Variants in C12orf42 observed in about 807,000 individuals in gnomAD.
C12orf42 encodes uncharacterized protein C12orf42.
Under a neutral mutation model 21.6 loss-of-function variants are expected in C12orf42, and 25 were observed. The ratio of observed to expected loss-of-function variants is 1.16; its 90% confidence interval spans 0.84 to 1.62. The LOEUF is 1.62. C12orf42 is among the 40% of genes most tolerant of loss of function. The pLI is 0.00. For missense variants in C12orf42, 483 were observed against 459.3 expected (o/e 1.05, Z -0.47); for synonymous variants, 174 against 175.0 (o/e 0.99, Z 0.05).
the C12orf42 span, among the ~76,000 whole-genome samples, chr12:103,141,312 T>C: frequency 6.6e-6 from 1 of 152,144 alleles, no homozygotes; most frequent in Admixed American, 6.5e-5. Flanking sequence ...ATCTGGGAGA[T>C]ACATGTCAGT....
chr12:103,322,043 G>T (rs2040189218), intron 4 of C12orf42, among the ~76,000 whole-genome samples: 1 of 151,714 alleles, frequency 6.6e-6, no homozygotes, highest in African/African-American at 2.4e-5. Context: ...TTTCTGGTTG[G>T]CAATGCATTA....
chr12:103,400,859 G>T (rs2047929416), intron 3 of C12orf42, among the ~76,000 whole-genome samples: 1 of 152,150 alleles, frequency 6.6e-6, no homozygotes, highest in South Asian at 2.1e-4. Flanking sequence ...GTATTGCTGG[G>T]CTGTGTTCCT....
At chr12:103,212,646 A>G in the C12orf42 span, among the ~76,000 whole-genome samples, 3 of 152,170 alleles carry the variant, frequency 2.0e-5, no homozygotes, top group African/African-American at 7.2e-5. Context: ...ACCAAAAGTC[A>G]TTGTCTATGT....
the C12orf42 span, among the ~76,000 whole-genome samples, chr12:103,147,220 T>C: frequency 6.6e-6 from 1 of 152,200 alleles, no homozygotes; most frequent in African/African-American, 2.4e-5. Flanking sequence ...TATTTCTCTG[T>C]GCTGTGGTTA....
intron 2 of C12orf42, among the ~76,000 whole-genome samples, chr12:103,452,125 C>A (rs1230204601): frequency 6.6e-6 from 1 of 151,874 alleles, no homozygotes; most frequent in Non-Finnish European, 1.5e-5. Context: ...AGCTGAGGAC[C>A]AGATCATCTA....
the C12orf42 span, among the ~76,000 whole-genome samples, chr12:103,159,226 T>C: frequency 6.6e-6 from 1 of 152,202 alleles, no homozygotes; most frequent in African/African-American, 2.4e-5. Flanking sequence ...TAGACAAACT[T>C]CTATCCCTGC....
upstream of C12orf42, among the ~76,000 whole-genome samples, chr12:103,496,352 TGCAGCCAACA>T (rs1262849652): frequency 6.6e-6 from 1 of 152,158 alleles, no homozygotes; most frequent in Non-Finnish European, 1.5e-5. Flanking sequence ...CCAGGAATAA[TGCAGCCAACA>T]GCAGGGGGCA....
At chr12:103,232,463 C>T in the C12orf42 span, among the ~76,000 whole-genome samples, 1 of 152,036 alleles carries the variant, frequency 6.6e-6, no homozygotes, top group Non-Finnish European at 1.5e-5. Flanking sequence ...AATCCCAGCA[C>T]TTTGGGAGGC....
the C12orf42 span, among the ~76,000 whole-genome samples, chr12:103,230,099 A>C: frequency 1.3e-5 from 2 of 152,270 alleles, no homozygotes; most frequent in African/African-American, 2.4e-5. Context: ...ATTGAATTTA[A>C]ATTATTAAAC....
At position 103,495,938 on chromosome 12, in the gene C12orf42, G is replaced by A. The variant is rs73389785; in HGVS notation, c.-58C>T. The A allele has an allele frequency of 0.11, 16,818 of 152,396 alleles. 1,060 individuals are homozygous for A. Among genetic ancestry groups the A allele is most frequent in the East Asian group, 0.22 (1,119 of 5,154 alleles). 9.4% of individuals were successfully genotyped at this position (152,396 alleles called of 1,614,324 possible). A position where few individuals can be genotyped will look rare whatever the true frequency, so the allele number is the denominator to read the frequency against. On this transcript the variant is annotated 5_prime_UTR_variant, in exon 1 of 6. Coordinates refer to ENST00000548883, the MANE Select transcript of C12orf42 (RefSeq NM_198521.5). ...GGGTCCCTATCCCGGGGCGCCGCCCGCAGCCTCCTCCGCGGGAGCTGGAGC... is the reference window on the plus strand; with the variant it reads ...GGGTCCCTATCCCGGGGCGCCGCCCACAGCCTCCTCCGCGGGAGCTGGAGC...
chr12:103,263,627 G>A (rs1299157005), downstream of C12orf42, among the ~76,000 whole-genome samples: 2 of 152,052 alleles, frequency 1.3e-5, no homozygotes, highest in Non-Finnish European at 2.9e-5. Context: ...CCTTCCACAC[G>A]TGCTCAGCCT....
the C12orf42 span, chr12:103,164,852 T>C: frequency 2.6e-6 from 1 of 383,388 alleles, no homozygotes; most frequent in Non-Finnish European, 5.3e-6. Flanking sequence ...TGTATCAGTA[T>C]ACTCACAAAT....
At chr12:103,506,911 A>T in the C12orf42 span, among the ~76,000 whole-genome samples, 2 of 48,572 alleles carry the variant, frequency 4.1e-5, no homozygotes, top group Non-Finnish European at 6.5e-5. Flanking sequence ...TATATTATAT[A>T]TATATTTATA....
At chr12:103,089,543 CAA>C in the C12orf42 span, among the ~76,000 whole-genome samples, 4 of 105,716 alleles carry the variant, frequency 3.8e-5, no homozygotes, top group Non-Finnish European at 7.7e-5. Context: ...TTAGACCTAA[CAA>C]TATATTTTTC....
the C12orf42 span, among the ~76,000 whole-genome samples, chr12:103,150,079 C>T: frequency 6.6e-6 from 1 of 152,104 alleles, no homozygotes; most frequent in Non-Finnish European, 1.5e-5. Flanking sequence ...GTATATTTTG[C>T]AGGATGAATT....
At chr12:103,075,984 G>A in the C12orf42 span, among the ~76,000 whole-genome samples, 1 of 152,098 alleles carries the variant, frequency 6.6e-6, no homozygotes, top group Non-Finnish European at 1.5e-5. Flanking sequence ...GTTTGGTTTT[G>A]GATATGTGGA....
chr12:103,072,962 C>T, the C12orf42 span, among the ~76,000 whole-genome samples: 2 of 152,036 alleles, frequency 1.3e-5, no homozygotes, highest in Non-Finnish European at 2.9e-5. Flanking sequence ...ATAATAAACA[C>T]GTGGTACATA....
chr12:103,231,161 C>A, the C12orf42 span, among the ~76,000 whole-genome samples: 4 of 152,160 alleles, frequency 2.6e-5, no homozygotes, highest in African/African-American at 9.7e-5. Context: ...CATTTTATAG[C>A]AATTTTAGTT....
the C12orf42 span, among the ~76,000 whole-genome samples, chr12:103,071,828 A>G: frequency 6.6e-6 from 1 of 152,172 alleles, no homozygotes; most frequent in South Asian, 2.1e-4. Flanking sequence ...AGGACAGACT[A>G]ATACAGACAT....
Sources: gnomAD v4.1 joint callset for allele counts (sites outside exome capture counted in the v4.1 genomes callset) on GRCh38, gnomAD v4.1.1 for gene constraint, MANE v1.5 for transcripts, NCBI Gene and HGNC (gene_info 2026-07-23, HGNC 2026-07-21) for gene names.